CSMD2: variants seen among roughly 807,000 people sequenced by gnomAD.
The protein encoded by CSMD2 is CUB and Sushi multiple domains 2.
CSMD2 carries 130 observed loss-of-function variants against 398.5 expected under a neutral mutation model. The observed-to-expected ratio is 0.33, with a 90% CI of 0.28 to 0.38. The LOEUF (loss-of-function observed/expected upper bound fraction) is 0.38. Ranked by LOEUF, CSMD2 falls within the 10% of genes least tolerant of loss-of-function variation. CSMD2 has a pLI of 1.00. For synonymous variants in CSMD2, 1,828 were observed against 1,908.5 expected (o/e 0.96, Z 1.10); for missense variants, 3,829 against 4,764.9 (o/e 0.80, Z 5.78).
intron 6 of CSMD2, among the ~76,000 whole-genome samples, chr1:33,831,413 G>A (rs1659541088): frequency 6.6e-6 from 1 of 152,100 alleles, no homozygotes; most frequent in Non-Finnish European, 1.5e-5. Context: ...GCCAAACTAA[G>A]CTTCATAAGT....
At chr1:34,114,656 C>T (rs1351931201) in intron 1 of CSMD2, among the ~76,000 whole-genome samples, 1 of 152,056 alleles carries the variant, frequency 6.6e-6, no homozygotes, top group Non-Finnish European at 1.5e-5. Context: ...TATTATCACA[C>T]CACTCCATTC....
chr1:33,567,979 C>T, intron 52 of CSMD2, 138 bp from the exon 53 acceptor site: 1 of 1,001,698 alleles, frequency 1.0e-6, no homozygotes, highest in Non-Finnish European at 1.4e-6. Context: ...GACTTGGCAC[C>T]CCAAATCCCA....
Position 33,788,714 on chromosome 1 carries a change from T to G in CSMD2, c.1551-2A>C. 2 of 1,589,808 alleles carry G rather than the reference T, an allele frequency of 1.3e-6. No homozygotes were observed. Among genetic ancestry groups the G allele is most frequent in the Non-Finnish European group, 1.7e-6 (2 of 1,157,860 alleles). On this transcript the variant is annotated splice_acceptor_variant, in intron 11 of 70. Coordinates refer to ENST00000373381, the MANE Select transcript of CSMD2 (RefSeq NM_001281956.2). LOFTEE classifies it high-confidence loss of function. Reference sequence around the variant, plus strand: ...TCCGGGACCGATGTACCTGTCAGGCTGGCAGGAGAGAGATATTTAGAGGTG... The same window carrying G: ...TCCGGGACCGATGTACCTGTCAGGCGGGCAGGAGAGAGATATTTAGAGGTG...
intron 5 of CSMD2, among the ~76,000 whole-genome samples, chr1:33,917,149 C>T (rs964330639): frequency 3.3e-5 from 5 of 152,192 alleles, no homozygotes; most frequent in South Asian, 2.1e-4. Context: ...TCCACCAGAA[C>T]GCTATTCCCA....
intron 26 of CSMD2, among the ~76,000 whole-genome samples, chr1:33,661,428 A>T (rs1315167216): frequency 6.6e-6 from 1 of 152,108 alleles, no homozygotes; most frequent in Non-Finnish European, 1.5e-5. Flanking sequence ...TCCATGATGG[A>T]ATATGTTTGG....
chr1:33,993,428 CAAGAA>C (rs1646625588), intron 3 of CSMD2, among the ~76,000 whole-genome samples: 1 of 152,168 alleles, frequency 6.6e-6, no homozygotes. Context: ...CCTTTTCTCT[CAAGAA>C]GGGCTTCTCT....
intron 53 of CSMD2, among the ~76,000 whole-genome samples, chr1:33,562,910 C>G (rs1414304704): frequency 6.6e-6 from 1 of 152,224 alleles, no homozygotes; most frequent in African/African-American, 2.4e-5. Flanking sequence ...TGATTTTGGA[C>G]TTGCCAGCCT....
chr1:34,160,722 G>T (rs949959264), intron 1 of CSMD2, among the ~76,000 whole-genome samples: 1 of 152,090 alleles, frequency 6.6e-6, no homozygotes, highest in Admixed American at 6.5e-5. Context: ...TAATATATAA[G>T]GCAGACAAAT....
intron 2 of CSMD2, among the ~76,000 whole-genome samples, chr1:34,076,909 C>CAAAAAAAAA (rs1160217243): frequency 7.8e-4 from 8 of 10,210 alleles, no homozygotes; most frequent in Non-Finnish European, 8.7e-4. Flanking sequence ...TACAGCAAAG[C>CAAAAAAAAA]AAAAAAAAAA....
intron 12 of CSMD2, among the ~76,000 whole-genome samples, chr1:33,777,317 G>T (rs939964629): frequency 6.6e-6 from 1 of 152,174 alleles, no homozygotes; most frequent in South Asian, 2.1e-4. Flanking sequence ...AACAGAGCAG[G>T]GTGGGGTGAG....
chr1:33,766,101 T>G (rs1228516252), intron 13 of CSMD2, among the ~76,000 whole-genome samples: 1 of 152,182 alleles, frequency 6.6e-6, no homozygotes, highest in Non-Finnish European at 1.5e-5. Flanking sequence ...CCCACCTCCC[T>G]TCTTCATTCA....
intron 5 of CSMD2, chr1:33,870,449 T>C (rs1275374386): frequency 6.6e-6 from 1 of 152,104 alleles, no homozygotes; most frequent in Non-Finnish European, 1.5e-5. Flanking sequence ...CTGGGTTGGA[T>C]TACCAGTGAC....
chr1:33,608,078 A>T (rs1158086018), intron 41 of CSMD2, among the ~76,000 whole-genome samples: 1 of 152,048 alleles, frequency 6.6e-6, no homozygotes, highest in Non-Finnish European at 1.5e-5. Flanking sequence ...CCTCAGGGGG[A>T]CAGCGGGGCC....
chr1:33,636,596 C>T lies in CSMD2; in HGVS notation c.4775-42G>A. The stretch of plus-strand genomic sequence containing the variant: ...CAAACACGTGCACACACACAGAGGG[C>T]TCATGAGGAGGCTATTCTTGGGCTC... On this transcript the variant is annotated intron_variant, in intron 29 of 70. Transcript: ENST00000373381. This position sits in a 1 kb window ranked among gnomAD's most constrained non-coding sequence, Gnocchi z 4.8. The T allele has an allele frequency of 1.3e-6, 2 of 1,565,030 alleles. No homozygotes were observed. Among genetic ancestry groups the T allele is most frequent in the Non-Finnish European group, 8.8e-7 (1 of 1,139,750 alleles).
At chr1:34,140,292 G>C (rs1639149039) in intron 1 of CSMD2, among the ~76,000 whole-genome samples, 1 of 37,198 alleles carries the variant, frequency 2.7e-5, no homozygotes, top group Non-Finnish European at 1.0e-4. Flanking sequence ...ATCGGCATAT[G>C]CAAAAAAACA....
At chr1:33,918,048 C>T in intron 5 of CSMD2, 46 bp downstream of exon 5, 1 of 1,564,816 alleles carries the variant, frequency 6.4e-7, no homozygotes, top group Non-Finnish European at 8.8e-7. Flanking sequence ...CAGTAATTCA[C>T]AGTTGCAGAG....
chr1:33,535,026 A>G (rs1401863615), intron 62 of CSMD2, among the ~76,000 whole-genome samples: 2 of 152,232 alleles, frequency 1.3e-5, no homozygotes, highest in Admixed American at 6.5e-5. Context: ...TTTCAAATGA[A>G]GAATCAGATT....
At chr1:33,790,700 T>TATCTATCA (rs1654159821) in intron 11 of CSMD2, among the ~76,000 whole-genome samples, 1 of 140,748 alleles carries the variant, frequency 7.1e-6, no homozygotes. Flanking sequence ...TCTATCTATC[T>TATCTATCA]ATCATCTATC....
chr1:33,601,420 T>A (rs1640210099), intron 43 of CSMD2, among the ~76,000 whole-genome samples: 1 of 152,052 alleles, frequency 6.6e-6, no homozygotes, highest in Non-Finnish European at 1.5e-5. Flanking sequence ...AAGCAAAGAG[T>A]ATACCCACAA....
Sources: gnomAD v4.1 joint callset for allele counts (sites outside exome capture counted in the v4.1 genomes callset) on GRCh38, gnomAD v4.1.1 for gene constraint, Gnocchi (gnomAD v3.1) non-coding constraint, MANE v1.5 for transcripts, NCBI Gene and HGNC (gene_info 2026-07-23, HGNC 2026-07-21) for gene names.